Variants in PTPRD observed in about 807,000 individuals in gnomAD.
PTPRD encodes receptor-type tyrosine-protein phosphatase delta.
Under a neutral mutation model 214.5 loss-of-function variants are expected in PTPRD, and 34 were observed. The observed-to-expected ratio is 0.16, with a 90% CI of 0.12 to 0.21. PTPRD has a LOEUF of 0.21. Ranked by LOEUF, PTPRD falls within the 10% of genes least tolerant of loss-of-function variation. The pLI, the probability that PTPRD is intolerant of heterozygous loss-of-function variation, is 1.00. For missense variants in PTPRD, 2,545 were observed against 2,398.7 expected (o/e 1.06, Z -1.27); for synonymous variants, 1,128 against 845.7 (o/e 1.33, Z -5.79).
At chr9:10,289,259 G>C (rs2095459032) in intron 3 of PTPRD, among the ~76,000 whole-genome samples, 1 of 152,086 alleles carries the variant, frequency 6.6e-6, no homozygotes, top group Non-Finnish European at 1.5e-5. Context: ...TTTATTAACA[G>C]GATCTATGTG....
At chr9:10,195,896 A>C (rs998089829) in intron 3 of PTPRD, among the ~76,000 whole-genome samples, 1 of 152,180 alleles carries the variant, frequency 6.6e-6, no homozygotes, top group African/African-American at 2.4e-5. Context: ...AAGTAGCCAG[A>C]CATGAAAAAA....
At chr9:10,147,377 C>G (rs1362921647) in intron 3 of PTPRD, among the ~76,000 whole-genome samples, 1 of 152,060 alleles carries the variant, frequency 6.6e-6, no homozygotes, top group Admixed American at 6.6e-5. Flanking sequence ...AATCATGCTG[C>G]TATAAAGACA....
chr9:10,479,890 A>G (rs77179323), intron 2 of PTPRD, among the ~76,000 whole-genome samples: 1 of 152,086 alleles, frequency 6.6e-6, no homozygotes, highest in Non-Finnish European at 1.5e-5. Context: ...AAGAGTCTTC[A>G]ATCTGAAGGG....
At chr9:9,366,989 T>C (rs2058064193) in intron 9 of PTPRD, among the ~76,000 whole-genome samples, 1 of 151,424 alleles carries the variant, frequency 6.6e-6, no homozygotes, top group Non-Finnish European at 1.5e-5. Flanking sequence ...CGAAATTTGG[T>C]AGTAAAATGA....
intron 3 of PTPRD, among the ~76,000 whole-genome samples, chr9:10,148,023 A>C (rs2099035761): frequency 1.3e-5 from 2 of 152,222 alleles, no homozygotes; most frequent in South Asian, 4.1e-4. Flanking sequence ...GGAGATATCC[A>C]AAAGTCAAGA....
intron 8 of PTPRD, among the ~76,000 whole-genome samples, chr9:9,493,806 A>AAG (rs1555480379): frequency 0.017 from 2,456 of 142,308 alleles, 13 homozygotes; most frequent in South Asian, 0.032. Context: ...AAAAAAAAAA[A>AAG]AAAAGAAAAG....
Position 8,524,498 on chromosome 9 carries a change from G to A in PTPRD, c.679+427C>T, listed in dbSNP as rs928494531. Among the ~76,000 whole-genome samples the A allele has an allele frequency of 1.3e-5, 2 of 152,080 alleles. 1 individual carries two copies. Among genetic ancestry groups the A allele is most frequent in the Non-Finnish European group, 2.9e-5 (2 of 68,022 alleles). On this transcript the variant is annotated intron_variant, in intron 18 of 45. Coordinates refer to ENST00000381196, the MANE Select transcript of PTPRD (RefSeq NM_002839.4). ...CAGTTTCAGCAGCAGGGGTCATGAA[G>A]ACATAAACACCTTTATGCTTGGAAT...
chr9:9,602,709 G>A (rs892925684), intron 7 of PTPRD, among the ~76,000 whole-genome samples: 1 of 151,722 alleles, frequency 6.6e-6, no homozygotes, highest in Admixed American at 6.6e-5. Flanking sequence ...TGTTTCTCTA[G>A]TGTTACTCTA....
At chr9:8,395,378 G>A (rs1284079768) in intron 36 of PTPRD, among the ~76,000 whole-genome samples, 3 of 151,468 alleles carry the variant, frequency 2.0e-5, no homozygotes, top group East Asian at 3.9e-4. Context: ...CTAGAAAACA[G>A]GAAATAGGAA....
chr9:9,279,760 A>G (rs1440579505), intron 9 of PTPRD, among the ~76,000 whole-genome samples: 1 of 151,080 alleles, frequency 6.6e-6, no homozygotes, highest in Non-Finnish European at 1.5e-5. Flanking sequence ...TACAAATAAG[A>G]GCATGCAATA....
At chr9:8,474,409 T>C (rs2096722006) in intron 30 of PTPRD, among the ~76,000 whole-genome samples, 1 of 152,114 alleles carries the variant, frequency 6.6e-6, no homozygotes, top group African/African-American at 2.4e-5. Context: ...AGCTCTCAGA[T>C]TCTTCAATTC....
chr9:9,327,904 TA>T (rs35650113), intron 9 of PTPRD, among the ~76,000 whole-genome samples: 68,804 of 142,768 alleles, frequency 0.48, 17,516 homozygotes, highest in Non-Finnish European at 0.57. Flanking sequence ...GTTGATGAGC[TA>T]AAAAAAAAAA....
chr9:9,147,255 C>A (rs891958003), intron 10 of PTPRD, among the ~76,000 whole-genome samples: 2 of 147,924 alleles, frequency 1.4e-5, no homozygotes, highest in Non-Finnish European at 3.0e-5. Flanking sequence ...CAAAACTATT[C>A]TTTGGAGTAA....
intron 2 of PTPRD, among the ~76,000 whole-genome samples, chr9:10,429,419 A>G (rs971506501): frequency 6.6e-6 from 1 of 152,000 alleles, no homozygotes; most frequent in Non-Finnish European, 1.5e-5. Flanking sequence ...CAAAAGCAAA[A>G]TATAGAATCA....
At position 8,331,746 on chromosome 9, in the gene PTPRD, G is replaced by A. The variant is rs1343155211; in HGVS notation, c.5380-10C>T. The A allele has an allele frequency of 1.3e-6, 2 of 1,577,744 alleles. No individual in the cohort carries two copies. Among genetic ancestry groups the A allele is most frequent in the Non-Finnish European group, 1.7e-6 (2 of 1,163,400 alleles). On this transcript the variant is annotated splice_polypyrimidine_tract_variant and intron_variant, in intron 43 of 45. Transcript: ENST00000381196. ...TTCGGGACTGGCCGTCCTTTAGAAG[G>A]AAAGCCACATACCCGGCCGCAAAGG... is the stretch of plus-strand genomic sequence containing the variant.
In PTPRD at chr9:9,929,990, A is replaced by G. The variant is rs1320890083; in HGVS notation, c.-368+8517T>C. Among the ~76,000 whole-genome samples the G allele has an allele frequency of 3.3e-5, 5 of 152,206 alleles. No individual in the cohort carries two copies. The South Asian group carries it at 1.0e-3, about 31-fold the overall frequency. On this transcript the variant is annotated intron_variant, in intron 5 of 45. Coordinates refer to ENST00000381196, the MANE Select transcript of PTPRD (RefSeq NM_002839.4). ...ATACTCAAGGTTATACTCATTTACCACCTAGTTCAGGAGTCAGATACTCAG... is the reference window on the plus strand; with the variant it reads ...ATACTCAAGGTTATACTCATTTACCGCCTAGTTCAGGAGTCAGATACTCAG...
At chr9:9,553,787 T>A (rs1261768337) in intron 8 of PTPRD, among the ~76,000 whole-genome samples, 1 of 152,102 alleles carries the variant, frequency 6.6e-6, no homozygotes. Flanking sequence ...AGGAATTTAA[T>A]GTGTTTCAAA....
intron 3 of PTPRD, among the ~76,000 whole-genome samples, chr9:10,065,384 C>A (rs1372839099): frequency 2.0e-5 from 3 of 151,860 alleles, no homozygotes; most frequent in Non-Finnish European, 4.4e-5. Flanking sequence ...AAACACCATG[C>A]AGCTTTGTTG....
intron 7 of PTPRD, among the ~76,000 whole-genome samples, chr9:9,638,621 A>G (rs2095845632): frequency 6.6e-6 from 1 of 152,166 alleles, no homozygotes; most frequent in East Asian, 1.9e-4. Context: ...TCCAGTATTC[A>G]TATCAAAACT....
Sources: allele counts gnomAD v4.1 joint callset (sites outside exome capture counted in the v4.1 genomes callset), GRCh38; gene constraint gnomAD v4.1.1; transcripts MANE v1.5; gene names NCBI Gene and HGNC (gene_info 2026-07-23, HGNC 2026-07-21).